Variants in AMN1 observed in about 807,000 individuals in gnomAD.
AMN1 encodes antagonist of mitotic exit network 1 homolog.
In AMN1, 20 loss-of-function variants were observed where a neutral mutation model predicts 33.0. The ratio of observed to expected loss-of-function variants is 0.61; its 90% confidence interval spans 0.43 to 0.88. The LOEUF is 0.88. Ranked by LOEUF, AMN1 falls within the 40% of genes least tolerant of loss-of-function variation. The pLI, the probability that AMN1 is intolerant of heterozygous loss-of-function variation, is 0.00. For missense variants in AMN1, 246 were observed against 307.4 expected (o/e 0.80, Z 1.49); for synonymous variants, 114 against 111.9 (o/e 1.02, Z -0.12).
chr12:31,721,094 T>C (rs1047289915), intron 1 of AMN1, among the ~76,000 whole-genome samples: 5 of 152,202 alleles, frequency 3.3e-5, no homozygotes, highest in Non-Finnish European at 7.3e-5. Flanking sequence ...CAAAAGTGAA[T>C]GCAGAGCCTT....
intron 1 of AMN1, among the ~76,000 whole-genome samples, chr12:31,713,897 A>T (rs1298514319): frequency 6.6e-6 from 1 of 152,116 alleles, no homozygotes; most frequent in Non-Finnish European, 1.5e-5. Flanking sequence ...ACTTTTATAT[A>T]CTCGACTGGT....
rs749266255 is a variant in AMN1 at position 31,697,334 on chromosome 12, C to A, written c.591+27G>T. The A allele has an allele frequency of 2.5e-6, 4 of 1,589,804 alleles. No homozygotes were observed. In the African/African-American group the frequency reaches 4.0e-5, roughly 16 times the overall value. On this transcript the variant is annotated intron_variant, in intron 5 of 6. Transcript: ENST00000281471. Reference sequence around the variant, plus strand: ...TAAGAATATAAAAATTTAATCACCACCATCTTTATAATTGTTTTAAAATTA... The same window carrying A: ...TAAGAATATAAAAATTTAATCACCAACATCTTTATAATTGTTTTAAAATTA...
intron 3 of AMN1, among the ~76,000 whole-genome samples, chr12:31,700,815 G>A (rs11835928): frequency 0.01 from 1,340 of 132,874 alleles, 17 homozygotes; most frequent in African/African-American, 0.034. Flanking sequence ...TCAGCCTCCC[G>A]AGTAGCTGGG....
rs1442301284 is a variant in AMN1, at chr12:31,671,576, G to A, written c.*728C>T. On this transcript the variant is annotated 3_prime_UTR_variant, in exon 7 of 7. Coordinates refer to ENST00000281471, the MANE Select transcript of AMN1 (RefSeq NM_001113402.2). ...GAAATCAATAAACCTGAGGATACAA[G>A]TCTCTGTAGTGATATTCTGTATTTA... 1 of 152,112 alleles carries A rather than the reference G, an allele frequency of 6.6e-6. No individual in the cohort carries two copies. The highest frequency in any genetic ancestry group is 1.5e-5 in the Non-Finnish European group (1 of 68,014). 9.4% of individuals were successfully genotyped at this position (152,112 alleles called of 1,614,324 possible). A position where few individuals can be genotyped will look rare whatever the true frequency, so the allele number is the denominator to read the frequency against.
At chr12:31,719,906 T>G (rs749488153) in intron 1 of AMN1, among the ~76,000 whole-genome samples, 4 of 152,198 alleles carry the variant, frequency 2.6e-5, no homozygotes, top group Non-Finnish European at 4.4e-5. Context: ...ATGGAACCTT[T>G]TGTTTGTGCA....
At chr12:31,688,360 A>C (rs1366599309) in intron 6 of AMN1, among the ~76,000 whole-genome samples, 1 of 152,236 alleles carries the variant, frequency 6.6e-6, no homozygotes, top group African/African-American at 2.4e-5. Context: ...TACATAAAGC[A>C]TCATGTTCAA....
chr12:31,706,767 C>G (rs1021840472), intron 2 of AMN1, among the ~76,000 whole-genome samples: 2 of 152,160 alleles, frequency 1.3e-5, no homozygotes, highest in African/African-American at 2.4e-5. Context: ...GCCTCCACCC[C>G]CTATGTCAGC....
chr12:31,698,990 A>C (rs1429736855), intron 3 of AMN1, among the ~76,000 whole-genome samples: 2 of 152,118 alleles, frequency 1.3e-5, no homozygotes, highest in Non-Finnish European at 2.9e-5. Flanking sequence ...GCCTGTCTCC[A>C]GAAAAATCAA....
At chr12:31,711,609 T>C (rs1049455318) in intron 1 of AMN1, among the ~76,000 whole-genome samples, 2 of 152,102 alleles carry the variant, frequency 1.3e-5, no homozygotes, top group African/African-American at 4.8e-5. Flanking sequence ...TAGATGTACA[T>C]ATTTTCAGGG....
intron 5 of AMN1, among the ~76,000 whole-genome samples, chr12:31,693,130 G>A (rs1592156784): frequency 6.6e-6 from 1 of 152,216 alleles, no homozygotes; most frequent in East Asian, 1.9e-4. Flanking sequence ...GTGCAGTAGT[G>A]CAAACACAGT....
chr12:31,722,203 T>C (rs1327011692), intron 1 of AMN1, among the ~76,000 whole-genome samples: 1 of 151,336 alleles, frequency 6.6e-6, no homozygotes, highest in Admixed American at 6.6e-5. Flanking sequence ...TGTGTTACAG[T>C]TGTTGACATT....
chr12:31,691,496 T>C (rs1263902069), intron 5 of AMN1, among the ~76,000 whole-genome samples: 2 of 152,138 alleles, frequency 1.3e-5, no homozygotes, highest in African/African-American at 4.8e-5. Context: ...TATATGGCTG[T>C]ATAACAATTA....
chr12:31,727,086 C>T (rs1450283065), intron 1 of AMN1, among the ~76,000 whole-genome samples: 1 of 152,088 alleles, frequency 6.6e-6, no homozygotes, highest in Non-Finnish European at 1.5e-5. Flanking sequence ...AACTCCTGGC[C>T]TCAAGCAATC....
chr12:31,689,776 T>C (rs1053101433), intron 5 of AMN1, among the ~76,000 whole-genome samples: 1 of 152,216 alleles, frequency 6.6e-6, no homozygotes, highest in Admixed American at 6.5e-5. Context: ...AAAATTTCCA[T>C]AGATTTTTGG....
intron 6 of AMN1, among the ~76,000 whole-genome samples, chr12:31,684,826 A>C (rs757425177): frequency 5.3e-5 from 8 of 152,040 alleles, no homozygotes; most frequent in Non-Finnish European, 8.8e-5. Context: ...TATTTGAAAA[A>C]TACTACCAGA....
chr12:31,714,339 T>A (rs961371326), intron 1 of AMN1: 2 of 152,218 alleles, frequency 1.3e-5, no homozygotes, highest in African/African-American at 4.8e-5. Context: ...TTTATTTATT[T>A]ATCTTGAGAC....
intron 5 of AMN1, among the ~76,000 whole-genome samples, chr12:31,694,344 A>AG (rs1174666960): frequency 2.7e-5 from 4 of 150,752 alleles, no homozygotes; most frequent in Non-Finnish European, 5.9e-5. Context: ...TGGGAGGCTG[A>AG]GGCAGAAGAA....
intron 5 of AMN1, among the ~76,000 whole-genome samples, chr12:31,689,425 T>G (rs1938406938): frequency 6.6e-6 from 1 of 152,188 alleles, no homozygotes; most frequent in South Asian, 2.1e-4. Context: ...AGGAAACAAT[T>G]TATAAATATG....
chr12:31,707,619 A>G (rs1939296438), intron 2 of AMN1, among the ~76,000 whole-genome samples: 1 of 152,228 alleles, frequency 6.6e-6, no homozygotes, highest in Non-Finnish European at 1.5e-5. Flanking sequence ...AAAAGACCTC[A>G]TATATCTCTT....
Sources: allele counts gnomAD v4.1 joint callset (sites outside exome capture counted in the v4.1 genomes callset), GRCh38; gene constraint gnomAD v4.1.1; transcripts MANE v1.5; gene names NCBI Gene and HGNC (gene_info 2026-07-23, HGNC 2026-07-21).